TSPAN5: variants seen among roughly 807,000 people sequenced by gnomAD.
The protein encoded by TSPAN5 is tetraspanin-5.
In TSPAN5, 10 loss-of-function variants were observed where a neutral mutation model predicts 37.1. The ratio of observed to expected loss-of-function variants is 0.27; its 90% CI spans 0.17 to 0.46. TSPAN5 has a LOEUF of 0.46. Among genes scored for constraint, TSPAN5 ranks in the 20% least tolerant of loss-of-function variants. The pLI, the probability that TSPAN5 is intolerant of heterozygous loss-of-function variation, is 1.00. For missense variants in TSPAN5, 195 were observed against 326.6 expected (o/e 0.60, Z 3.11); for synonymous variants, 110 against 118.9 (o/e 0.93, Z 0.48).
chr4:98,481,975 C>T (rs374574357), intron 4 of TSPAN5, 30 bp downstream of exon 4: 12 of 1,609,542 alleles, frequency 7.5e-6, no homozygotes, highest in Non-Finnish European at 1.0e-5. Flanking sequence ...AGAGAACTTT[C>T]AACTTGAAAA....
At chr4:98,536,707 A>C (rs1191468602) in intron 1 of TSPAN5, among the ~76,000 whole-genome samples, 1 of 152,232 alleles carries the variant, frequency 6.6e-6, no homozygotes, top group Non-Finnish European at 1.5e-5. Flanking sequence ...CAGAGAAAAG[A>C]AATCTGGCGG....
At chr4:98,499,213 C>G (rs1753285737) in intron 2 of TSPAN5, among the ~76,000 whole-genome samples, 1 of 152,222 alleles carries the variant, frequency 6.6e-6, no homozygotes, top group Non-Finnish European at 1.5e-5. Flanking sequence ...GCACAGCCCA[C>G]CCCAGCTTCT....
In TSPAN5 at chr4:98,470,787, T is replaced by G. The variant is rs942021737; in HGVS notation, c.*1735A>C. 6.6e-6 allele frequency: 1 copy of G among 152,304 alleles called. No individual in the cohort carries two copies. Among genetic ancestry groups the G allele is most frequent in the Non-Finnish European group, 1.5e-5 (1 of 68,080 alleles). 9.4% of individuals were successfully genotyped at this position (152,304 alleles called of 1,614,324 possible). On this transcript the variant is annotated 3_prime_UTR_variant, in exon 8 of 8. Transcript: ENST00000305798. ...ACAGTTTTGAAAATAATTTCCTTTT[T>G]GTCCTTTCTCTGAGCAGACTGACAC...
intron 1 of TSPAN5, among the ~76,000 whole-genome samples, chr4:98,644,357 T>G (rs571541780): frequency 1.2e-4 from 19 of 152,304 alleles, no homozygotes; most frequent in African/African-American, 4.3e-4. Context: ...ATTTTTTTCA[T>G]TTGAAGTGTT....
At chr4:98,617,795 A>G (rs545392032) in intron 1 of TSPAN5, among the ~76,000 whole-genome samples, 15 of 152,324 alleles carry the variant, frequency 9.8e-5, no homozygotes, top group African/African-American at 2.6e-4. Flanking sequence ...CCAGCTGAGT[A>G]GCAGCAGCTG....
At chr4:98,563,479 T>C (rs977422832) in intron 1 of TSPAN5, among the ~76,000 whole-genome samples, 1 of 152,190 alleles carries the variant, frequency 6.6e-6, no homozygotes, top group Non-Finnish European at 1.5e-5. Context: ...GACATCTCAG[T>C]GTTTGTCCTT....
intron 1 of TSPAN5, among the ~76,000 whole-genome samples, chr4:98,543,205 T>C (rs1190474016): frequency 6.6e-6 from 1 of 152,230 alleles, no homozygotes; most frequent in Non-Finnish European, 1.5e-5. Context: ...TTGAGCTAAC[T>C]GGCCAATTAT....
chr4:98,490,279 C>T (rs1035487151), intron 2 of TSPAN5, among the ~76,000 whole-genome samples: 4 of 152,084 alleles, frequency 2.6e-5, no homozygotes, highest in Non-Finnish European at 4.4e-5. Flanking sequence ...TACCTATGCC[C>T]GAAATAGCAA....
intron 1 of TSPAN5, among the ~76,000 whole-genome samples, chr4:98,625,656 T>C (rs1250720722): frequency 6.6e-6 from 1 of 152,238 alleles, no homozygotes; most frequent in Non-Finnish European, 1.5e-5. Context: ...GCTATTACTA[T>C]CTTTAAATGG....
intron 1 of TSPAN5, among the ~76,000 whole-genome samples, chr4:98,641,011 A>T (rs1756953726): frequency 6.6e-6 from 1 of 152,248 alleles, no homozygotes; most frequent in African/African-American, 2.4e-5. Context: ...ATGGTCACAC[A>T]GCTTGGACAT....
At chr4:98,605,668 T>A (rs17027841) in intron 1 of TSPAN5, among the ~76,000 whole-genome samples, 1 of 152,168 alleles carries the variant, frequency 6.6e-6, no homozygotes, top group Non-Finnish European at 1.5e-5. Flanking sequence ...TGTCAATCCC[T>A]CGGAATACTT....
chr4:98,558,848 C>T (rs558004393), intron 1 of TSPAN5, among the ~76,000 whole-genome samples: 3 of 152,282 alleles, frequency 2.0e-5, no homozygotes, highest in Non-Finnish European at 4.4e-5. Flanking sequence ...GGTCTTTAGA[C>T]AACAAATTGA....
intron 2 of TSPAN5, among the ~76,000 whole-genome samples, chr4:98,488,430 TAAAG>T (rs1753020046): frequency 6.6e-6 from 1 of 152,138 alleles, no homozygotes; most frequent in Non-Finnish European, 1.5e-5. Flanking sequence ...TATGGGGAAA[TAAAG>T]AACTCTTATA....
intron 1 of TSPAN5, among the ~76,000 whole-genome samples, chr4:98,582,770 C>A (rs1048253296): frequency 6.6e-6 from 1 of 152,154 alleles, no homozygotes; most frequent in Non-Finnish European, 1.5e-5. Context: ...CCAGCACTGA[C>A]CCCACTATAT....
At chr4:98,531,507 G>C (rs967680714) in intron 1 of TSPAN5, among the ~76,000 whole-genome samples, 2 of 152,128 alleles carry the variant, frequency 1.3e-5, no homozygotes, top group Non-Finnish European at 2.9e-5. Flanking sequence ...CTTTGCTATT[G>C]TGAATAGTGC....
chr4:98,602,208 C>CA (rs1337474167), intron 1 of TSPAN5, among the ~76,000 whole-genome samples: 1 of 152,112 alleles, frequency 6.6e-6, no homozygotes, highest in Non-Finnish European at 1.5e-5. Flanking sequence ...ACTCTTGCTC[C>CA]ATGAAGGGTT....
At chr4:98,509,331 G>T (rs1753552186) in intron 1 of TSPAN5, among the ~76,000 whole-genome samples, 1 of 152,182 alleles carries the variant, frequency 6.6e-6, no homozygotes, top group Non-Finnish European at 1.5e-5. Flanking sequence ...TTCTCAGCAG[G>T]GAGTTCCTGA....
At chr4:98,495,531 CAAAAA>C (rs10555303) in intron 2 of TSPAN5, among the ~76,000 whole-genome samples, 97 of 130,912 alleles carry the variant, frequency 7.4e-4, no homozygotes, top group Non-Finnish European at 8.8e-4. Flanking sequence ...GCCTCCGTCT[CAAAAA>C]AAAAAAAAAA....
intron 1 of TSPAN5, among the ~76,000 whole-genome samples, chr4:98,517,470 T>C (rs1753760743): frequency 6.7e-6 from 1 of 149,830 alleles, no homozygotes; most frequent in Non-Finnish European, 1.5e-5. Flanking sequence ...AACTGTGTTC[T>C]CTGTTTTCCC....
Sources: allele counts gnomAD v4.1 joint callset (sites outside exome capture counted in the v4.1 genomes callset), GRCh38; gene constraint gnomAD v4.1.1; transcripts MANE v1.5; gene names NCBI Gene and HGNC (gene_info 2026-07-23, HGNC 2026-07-21).